BTNL9: variants seen among roughly 807,000 people sequenced by gnomAD.
The protein encoded by BTNL9 is butyrophilin like 9.
BTNL9 carries 45 observed loss-of-function variants against 45.8 expected under a neutral mutation model. The observed-to-expected ratio is 0.98, with a 90% CI of 0.77 to 1.26. The LOEUF (loss-of-function observed/expected upper bound fraction) is 1.26. Among genes scored for constraint, BTNL9 ranks in the 50% most tolerant of loss-of-function variants. The pLI is 0.00. For missense variants in BTNL9, 784 were observed against 729.7 expected, an observed-to-expected ratio of 1.07 and a Z score of -0.86; for synonymous variants, 346 against 330.8, an observed-to-expected ratio of 1.05 and a Z score of -0.50.
At chr5:181,056,909 C>A in intron 9 of BTNL9, 1 of 316,986 alleles carries the variant, frequency 3.2e-6, no homozygotes, top group East Asian at 6.1e-5. Context: ...TGCTAGTTGG[C>A]TCTGGGGACT....
rs745698691 is a variant in BTNL9, at chr5:181,053,273, G to A, written c.810G>A (p.Ala270=). 32 of 1,584,990 alleles carry A rather than the reference G, an allele frequency of 2.0e-5. No homozygotes were observed. Among genetic ancestry groups the A allele is most frequent in the Non-Finnish European group, 2.6e-5 (30 of 1,167,284 alleles). ...VATLPLLLVL[A]ALALGVLRKQ... ...CCCTGCCGCTGCTGTTGGTCCTCGC[G>A]GCGCTGGCGCTGGGCGTCCTCCGGA... Residue 270 remains alanine, a synonymous_variant, in exon 5 of 11, where the codon GCG becomes GCA. Transcript: ENST00000327705. The surrounding 1 kb of genome is among the most constrained non-coding windows in gnomAD (Gnocchi z 6.5).
chr5:181,059,330 C>G lies in BTNL9; in HGVS notation c.1076C>G (p.Pro359Arg). ...TCTTCCCGCGGGGCGCCGCCAGGCC[C>G]GGCGCCTGGCCACCCGCAGCGGTTC... ...SVSSRGAPPG[P>R]APGHPQRFSE... is the part of the protein sequence containing the mutation. Residue 359 changes from proline to arginine, a missense_variant, in exon 11 of 11, where the codon CCG (proline) becomes CGG (arginine). Physicochemically the swap from Pro to Arg is moderately radical, Grantham distance 103. Coordinates refer to ENST00000327705, the MANE Select transcript of BTNL9 (RefSeq NM_152547.5). The G allele has an allele frequency of 6.5e-7, 1 of 1,548,966 alleles. No individual in the cohort carries two copies. The highest frequency in any genetic ancestry group is 8.7e-7 in the Non-Finnish European group (1 of 1,151,282).
intron 2 of BTNL9, among the ~76,000 whole-genome samples, chr5:181,047,148 A>T (rs1204932470): frequency 6.6e-6 from 1 of 152,134 alleles, no homozygotes; most frequent in Non-Finnish European, 1.5e-5. Context: ...GAGAAGAGTG[A>T]GTGCCTGTGG....
chr5:181,043,284 GTGTGTGTC>G (rs1760899706), intron 1 of BTNL9: 2 of 149,650 alleles, frequency 1.3e-5, no homozygotes. Context: ...GTGTGCATGT[GTGTGTGTC>G]TGTGTGTGTG....
intron 4 of BTNL9, among the ~76,000 whole-genome samples, chr5:181,052,613 G>A (rs1265181410): frequency 6.6e-6 from 1 of 152,230 alleles, no homozygotes; most frequent in Non-Finnish European, 1.5e-5. Flanking sequence ...AGGGCCGGTG[G>A]GTTCTGCGCG....
rs1762058944 is a variant in BTNL9, at chr5:181,059,513, G to A, written c.1259G>A (p.Trp420Ter). The change falls in exon 11 of 11, where the codon TGG (tryptophan) becomes TAG (stop). Residue 420 changes from tryptophan (W) to a stop codon, truncating the protein, a stop_gained. Transcript: ENST00000327705. LOFTEE classifies it low-confidence loss of function (END_TRUNC). Reference protein sequence around the residue: ...PARLSPAAGYWVLGLWNGCEY... With the variant: ...PARLSPAAGY ...CGCCTGAGCCCTGCGGCCGGCTACT[G>A]GGTGCTGGGGCTGTGGAACGGCTGC... 3 of 1,596,588 alleles carry A rather than the reference G, an allele frequency of 1.9e-6. No homozygotes were observed. The highest frequency in any genetic ancestry group is 2.6e-6 in the Non-Finnish European group (3 of 1,174,518).
intron 10 of BTNL9, 110 bp downstream of exon 10, chr5:181,058,488 G>T: frequency 4.2e-6 from 6 of 1,439,706 alleles, no homozygotes; most frequent in Non-Finnish European, 5.9e-6. Context: ...AGCCAAGTAT[G>T]GGGCCTGCAC....
chr5:181,046,105 C>CTCCTCCACCATCTCCCCAGCCTGTAGTGT (rs1761119677), intron 2 of BTNL9, among the ~76,000 whole-genome samples: 1 of 138,542 alleles, frequency 7.2e-6, no homozygotes, highest in African/African-American at 2.8e-5. Context: ...CCCCCAACAC[C>CTCCTCCACCATCTCCCCAGCCTGTAGTGT]TCCTCCACCA....
Position 181,055,191 on chromosome 5 carries a change from T to G in BTNL9, c.908-242T>G. ...GGCCTGTCAGTACTAAGATCTGGTA[T>G]CCCTTCTAGGCTGTGTGCAGATTTC... On this transcript the variant is annotated intron_variant, in intron 7 of 10. Transcript: ENST00000327705. The surrounding 1 kb of genome is among the most constrained non-coding windows in gnomAD (Gnocchi z 4.4). 7.4e-7 allele frequency: 1 copy of G among 1,357,334 alleles called. No homozygotes were observed. The highest frequency in any genetic ancestry group is 1.8e-5 in the South Asian group (1 of 54,702). The allele number at this position is 1,357,334 out of a possible 1,614,324, so 84.1% of individuals were successfully genotyped here. A position where few individuals can be genotyped will look rare whatever the true frequency, so the allele number is the denominator to read the frequency against.
intron 4 of BTNL9, among the ~76,000 whole-genome samples, chr5:181,051,758 GTC>G (rs1761552932): frequency 6.7e-6 from 1 of 149,610 alleles, no homozygotes; most frequent in African/African-American, 2.5e-5. Flanking sequence ...AGAGGAAAGA[GTC>G]TCTCTTTTTG....
intron 9 of BTNL9, among the ~76,000 whole-genome samples, chr5:181,057,467 G>A (rs1401758908): frequency 6.6e-6 from 1 of 152,192 alleles, no homozygotes; most frequent in African/African-American, 2.4e-5. Flanking sequence ...ATGCATATTG[G>A]ATTCCCATCT....
chr5:181,061,320 A>G lies in BTNL9; in HGVS notation c.*1458A>G, dbSNP rs1213616230. On this transcript the variant is annotated 3_prime_UTR_variant, in exon 11 of 11. Transcript: ENST00000327705. ...TCGACAGATGTTCATTGTACTATCA[A>G]TGTGGCTTTGCTGTGGGTTTGAAAT... 1 of 152,180 alleles carries G rather than the reference A, an allele frequency of 6.6e-6. No homozygotes were observed. Among genetic ancestry groups the G allele is most frequent in the African/African-American group, 2.4e-5 (1 of 41,450 alleles). 9.4% of individuals were successfully genotyped at this position (152,180 alleles called of 1,614,324 possible).
Position 181,053,288 on chromosome 5 carries a change from C to T in BTNL9, c.825C>T (p.Gly275=), listed in dbSNP as rs185998416. The T allele has an allele frequency of 5.7e-6, 9 of 1,580,516 alleles. No homozygotes were observed. In the African/African-American group the frequency reaches 8.4e-5, roughly 15 times the overall value. The stretch of plus-strand genomic sequence containing the variant: ...TGGTCCTCGCGGCGCTGGCGCTGGG[C>T]GTCCTCCGGAAGCAGCGGAGAAGCC... The part of the protein sequence containing the change: ...LLLVLAALAL[G]VLRKQRRSRE... The change falls in exon 5 of 11, where the codon GGC becomes GGT. Residue 275 remains glycine (G), a synonymous_variant. Coordinates refer to ENST00000327705, the MANE Select transcript of BTNL9 (RefSeq NM_152547.5). The surrounding 1 kb of genome is among the most constrained non-coding windows in gnomAD (Gnocchi z 6.5).
In BTNL9 at chr5:181,045,477, C is replaced by G. The variant is rs1359865885; in HGVS notation, c.-13C>G. On this transcript the variant is annotated 5_prime_UTR_variant, in exon 2 of 11. Coordinates refer to ENST00000327705, the MANE Select transcript of BTNL9 (RefSeq NM_152547.5). ...TTTGTCCCTCTCCAGGTGGCCCCCACTGCTGACGAGAGATGGTGGACCTCT... is the reference window on the plus strand; with the variant it reads ...TTTGTCCCTCTCCAGGTGGCCCCCAGTGCTGACGAGAGATGGTGGACCTCT... The G allele has an allele frequency of 6.3e-7, 1 of 1,579,684 alleles. No individual in the cohort carries two copies. The highest frequency in any genetic ancestry group is 1.4e-5 in the African/African-American group (1 of 73,932).
chr5:181,058,315 T>C (rs1190077016), intron 9 of BTNL9, 37 bp from the exon 10 acceptor site: 1 of 1,613,638 alleles, frequency 6.2e-7, no homozygotes, highest in South Asian at 1.1e-5. Flanking sequence ...CTGACTGAGA[T>C]TTCTGAGCTT....
rs568821633 is a variant in BTNL9 at position 181,050,525 on chromosome 5, G to A, written c.736+156G>A. Among the ~76,000 whole-genome samples, 4 of 152,250 alleles carry A rather than the reference G, an allele frequency of 2.6e-5. No homozygotes were observed. The highest frequency in any genetic ancestry group is 2.0e-4 in the Admixed American group (3 of 15,282). On this transcript the variant is annotated intron_variant, in intron 4 of 10. Transcript: ENST00000327705. This position sits in a 1 kb window ranked among gnomAD's most constrained non-coding sequence, Gnocchi z 4.9. Reference sequence around the variant, plus strand: ...GAAAAGTCAGCACCTTGGATATTAGGAACACACTAAGAACGCTACTGAGAA... The same window carrying A: ...GAAAAGTCAGCACCTTGGATATTAGAAACACACTAAGAACGCTACTGAGAA...
chr5:181,050,351 TTGG>T lies in BTNL9; in HGVS notation c.723_725del (p.Val242del). 6.2e-7 allele frequency: 1 copy of T among 1,613,866 alleles called. No individual in the cohort carries two copies. Among genetic ancestry groups the T allele is most frequent in the Non-Finnish European group, 8.5e-7 (1 of 1,179,996 alleles). On this transcript the variant is annotated inframe_deletion, in exon 4 of 11. Coordinates refer to ENST00000327705, the MANE Select transcript of BTNL9 (RefSeq NM_152547.5). The surrounding 1 kb of genome is among the most constrained non-coding windows in gnomAD (Gnocchi z 4.9). The stretch of plus-strand genomic sequence containing the variant: ...TCTCCTCTTGAGCCAGAAGAAAGAG[TTGG>T]TGGTCCAGATAGCAGGTCAGTGGCT...
Position 181,055,982 on chromosome 5 carries a change from G to A in BTNL9, c.929-7G>A. On this transcript the variant is annotated splice_polypyrimidine_tract_variant and splice_region_variant and intron_variant, in intron 8 of 10. Coordinates refer to ENST00000327705, the MANE Select transcript of BTNL9 (RefSeq NM_152547.5). This position sits in a 1 kb window ranked among gnomAD's most constrained non-coding sequence, Gnocchi z 4.4. ...GCTAATTTCCTGTTTTCCCTTGGTTGCTTCAGACTGGAGACGGGCTGAAGG... is the reference window on the plus strand; with the variant it reads ...GCTAATTTCCTGTTTTCCCTTGGTTACTTCAGACTGGAGACGGGCTGAAGG... 1.2e-6 allele frequency: 2 copies of A among 1,614,162 alleles called. No individual in the cohort carries two copies. Among genetic ancestry groups the A allele is most frequent in the Non-Finnish European group, 1.7e-6 (2 of 1,180,008 alleles).
chr5:181,052,609 G>C (rs1053663158), intron 4 of BTNL9, among the ~76,000 whole-genome samples: 5 of 152,360 alleles, frequency 3.3e-5, no homozygotes, highest in African/African-American at 1.2e-4. Flanking sequence ...GCGAAGGGCC[G>C]GTGGGTTCTG....
Sources: gnomAD v4.1 joint callset for allele counts (sites outside exome capture counted in the v4.1 genomes callset) on GRCh38, gnomAD v4.1.1 for gene constraint, Gnocchi (gnomAD v3.1) non-coding constraint, MANE v1.5 for transcripts, NCBI Gene and HGNC (gene_info 2026-07-23, HGNC 2026-07-21) for gene names.